Variants in EYS observed in about 807,000 individuals in gnomAD.
EYS encodes the protein protein eyes shut homolog.
In EYS, 250 loss-of-function variants were observed where a neutral mutation model predicts 282.1. That is an observed-to-expected ratio of 0.89 (90% CI 0.80 to 0.98). EYS has a LOEUF of 0.98. Among genes scored for constraint, EYS ranks in the 50% least tolerant of loss-of-function variants. EYS has a pLI of 0.00. For missense variants in EYS, 4,016 were observed against 3,709.0 expected, an observed-to-expected ratio of 1.08 and a Z score of -2.15; for synonymous variants, 1,355 against 1,282.9, an observed-to-expected ratio of 1.06 and a Z score of -1.20.
chr6:63,952,311 C>T (rs996515761), intron 35 of EYS, among the ~76,000 whole-genome samples: 1 of 152,198 alleles, frequency 6.6e-6, no homozygotes, highest in African/African-American at 2.4e-5. Context: ...TCCCAGAGCC[C>T]CTGGAACTCT....
chr6:64,450,138 C>T (rs945862223), intron 26 of EYS, among the ~76,000 whole-genome samples: 6 of 151,212 alleles, frequency 4.0e-5, no homozygotes, highest in Non-Finnish European at 7.4e-5. Context: ...CACACATAGG[C>T]TCAAAATAAA....
At chr6:63,850,511 C>T (rs1307926232) in intron 36 of EYS, among the ~76,000 whole-genome samples, 4 of 152,232 alleles carry the variant, frequency 2.6e-5, no homozygotes, top group African/African-American at 4.8e-5. Context: ...CAGAAGAAAG[C>T]GGGTGCCAAT....
At chr6:64,104,936 A>T (rs1739072333) in intron 31 of EYS, among the ~76,000 whole-genome samples, 1 of 152,052 alleles carries the variant, frequency 6.6e-6, no homozygotes, top group Admixed American at 6.6e-5. Flanking sequence ...GTGTCCTGGG[A>T]CTAGATAAAG....
chr6:63,811,618 T>C (rs1228953373), intron 36 of EYS, among the ~76,000 whole-genome samples: 1 of 152,194 alleles, frequency 6.6e-6, no homozygotes, highest in African/African-American at 2.4e-5. Context: ...CCCTGCTTTT[T>C]TCCAGAGCTC....
At chr6:65,286,579 T>C (rs7761050) in intron 12 of EYS, among the ~76,000 whole-genome samples, 1 of 151,758 alleles carries the variant, frequency 6.6e-6, no homozygotes, top group Non-Finnish European at 1.5e-5. Flanking sequence ...TAAAACTATA[T>C]TATCCATGTA....
chr6:65,485,407 T>G (rs1765750926), intron 5 of EYS, among the ~76,000 whole-genome samples: 1 of 152,208 alleles, frequency 6.6e-6, no homozygotes, highest in Non-Finnish European at 1.5e-5. Context: ...CCCAAAATTA[T>G]TTTTCTCATT....
chr6:65,593,531 T>C (rs1352990292), intron 2 of EYS, among the ~76,000 whole-genome samples: 1 of 151,992 alleles, frequency 6.6e-6, no homozygotes, highest in East Asian at 1.9e-4. Context: ...TAAGTTATAA[T>C]TGGATGGGGC....
chr6:64,417,371 A>G (rs943135889), intron 28 of EYS, among the ~76,000 whole-genome samples: 1 of 152,168 alleles, frequency 6.6e-6, no homozygotes, highest in African/African-American at 2.4e-5. Flanking sequence ...TAGCAGTGCT[A>G]GAATTTGCTT....
At chr6:64,464,799 A>G (rs1366356155) in intron 26 of EYS, among the ~76,000 whole-genome samples, 1 of 152,064 alleles carries the variant, frequency 6.6e-6, no homozygotes, top group Non-Finnish European at 1.5e-5. Flanking sequence ...AATTCTAGAG[A>G]GAAAAAATAT....
intron 12 of EYS, among the ~76,000 whole-genome samples, chr6:65,177,838 T>A (rs1455495121): frequency 6.6e-6 from 1 of 151,952 alleles, no homozygotes; most frequent in Admixed American, 6.6e-5. Context: ...TGTTACTTGA[T>A]GTTACTCATT....
intron 29 of EYS, among the ~76,000 whole-genome samples, chr6:64,344,126 G>T (rs1378719327): frequency 6.6e-6 from 1 of 152,114 alleles, no homozygotes; most frequent in Non-Finnish European, 1.5e-5. Flanking sequence ...TCTACCAGAG[G>T]TATAAGGAGG....
intron 35 of EYS, among the ~76,000 whole-genome samples, chr6:63,872,503 A>T (rs1184196603): frequency 2.5e-5 from 3 of 121,422 alleles, no homozygotes; most frequent in African/African-American, 3.2e-5. Context: ...TTTTAGACCT[A>T]GTCTCGCTCT....
chr6:64,614,817 G>T (rs1767220424), intron 24 of EYS, among the ~76,000 whole-genome samples: 1 of 151,998 alleles, frequency 6.6e-6, no homozygotes, highest in African/African-American at 2.4e-5. Flanking sequence ...AAAGCAGAAG[G>T]GTTGTAGGGA....
intron 13 of EYS, among the ~76,000 whole-genome samples, chr6:65,026,689 A>G (rs1012661405): frequency 3.3e-5 from 5 of 152,110 alleles, no homozygotes; most frequent in African/African-American, 7.2e-5. Context: ...AGGCCGAGAC[A>G]GGCAGATCAC....
At chr6:65,035,797 C>A (rs1026956473) in intron 13 of EYS, among the ~76,000 whole-genome samples, 1 of 151,436 alleles carries the variant, frequency 6.6e-6, no homozygotes, top group African/African-American at 2.4e-5. Context: ...CTAGCGATGA[C>A]ATTTTTCACA....
In EYS at chr6:65,369,578, G is replaced by A. The variant is rs1330040863; in HGVS notation, c.1299+14808C>T. 2.6e-5 allele frequency among the ~76,000 whole-genome samples: 4 copies of A among 151,118 alleles called. No individual in the cohort carries two copies. The East Asian group carries it at 7.8e-4, about 29-fold the overall frequency. On this transcript the variant is annotated intron_variant, in intron 8 of 42. Transcript: ENST00000503581. ...AACTTTCATAAAGTTGTATGCATTT[G>A]ATCTTTCCTTTTTTCTTACTATTTT... is the stretch of plus-strand genomic sequence containing the variant.
chr6:65,415,466 T>G (rs1280529921), intron 5 of EYS, among the ~76,000 whole-genome samples: 1 of 152,076 alleles, frequency 6.6e-6, no homozygotes, highest in Non-Finnish European at 1.5e-5. Flanking sequence ...TCAGGTCATA[T>G]TTGTGAACAG....
chr6:64,736,660 A>G (rs1216918572), intron 22 of EYS, among the ~76,000 whole-genome samples: 2 of 152,120 alleles, frequency 1.3e-5, no homozygotes, highest in African/African-American at 4.8e-5. Flanking sequence ...TTTTAACATT[A>G]TATTTCTATT....
chr6:65,679,313 C>CA (rs1317518248), intron 1 of EYS, among the ~76,000 whole-genome samples: 1 of 151,646 alleles, frequency 6.6e-6, no homozygotes, highest in Non-Finnish European at 1.5e-5. Flanking sequence ...TATGTGTGTG[C>CA]ATGTGTGTAT....
Sources: gnomAD v4.1 joint callset for allele counts (sites outside exome capture counted in the v4.1 genomes callset) on GRCh38, gnomAD v4.1.1 for gene constraint, MANE v1.5 for transcripts, NCBI Gene and HGNC (gene_info 2026-07-23, HGNC 2026-07-21) for gene names.